The following CATSPERB variants were observed in gnomAD, a reference collection of about 807,000 sequenced individuals.
The protein encoded by CATSPERB is cation channel sperm-associated auxiliary subunit beta.
Under a neutral mutation model 128.3 loss-of-function variants are expected in CATSPERB, and 93 were observed. The ratio of observed to expected loss-of-function variants is 0.72; its 90% CI spans 0.61 to 0.86. The LOEUF (loss-of-function observed/expected upper bound fraction) is 0.86, where lower values mean the gene tolerates loss of function less well. Among genes scored for constraint, CATSPERB ranks in the 40% least tolerant of loss-of-function variants. CATSPERB has a pLI of 0.00. For synonymous variants in CATSPERB, 381 were observed against 448.8 expected (o/e 0.85, Z 1.91); for missense variants, 1,153 against 1,329.5 (o/e 0.87, Z 2.06).
At chr14:91,666,070 A>G (rs1158072767) in intron 14 of CATSPERB, among the ~76,000 whole-genome samples, 1 of 151,962 alleles carries the variant, frequency 6.6e-6, no homozygotes, top group South Asian at 2.1e-4. Context: ...TTGCCCCTTC[A>G]CTCTGCCACT....
At position 91,580,807 on chromosome 14, in the gene CATSPERB, G is replaced by A. The variant is rs1298927184; in HGVS notation, c.*82C>T. On this transcript the variant is annotated 3_prime_UTR_variant, in exon 27 of 27. Coordinates refer to ENST00000256343, the MANE Select transcript of CATSPERB (RefSeq NM_024764.4). ...AATTCTTTAGGATTTTATGTAGCTT[G>A]CATATTTAACATTTAAATATATTGT... The A allele has an allele frequency of 3.0e-6, 3 of 1,012,720 alleles. No individual in the cohort carries two copies. The highest frequency in any genetic ancestry group is 4.5e-6 in the Non-Finnish European group (3 of 673,348). The allele number at this position is 1,012,720 out of a possible 1,614,324, so 62.7% of individuals were successfully genotyped here.
chr14:91,710,826 T>C (rs1346192009), intron 5 of CATSPERB, among the ~76,000 whole-genome samples: 2 of 152,168 alleles, frequency 1.3e-5, no homozygotes, highest in East Asian at 3.9e-4. Context: ...ATTAAACTAG[T>C]AACTTGAATA....
intron 19 of CATSPERB, among the ~76,000 whole-genome samples, chr14:91,618,268 G>A (rs1050346526): frequency 1.1e-4 from 16 of 152,018 alleles, no homozygotes; most frequent in Admixed American, 3.9e-4. Flanking sequence ...CTTCTTTACT[G>A]CAACCAGTTT....
intron 11 of CATSPERB, among the ~76,000 whole-genome samples, chr14:91,677,956 C>A (rs1895217870): frequency 6.6e-6 from 1 of 152,116 alleles, no homozygotes; most frequent in South Asian, 2.1e-4. Context: ...CCATAATCCT[C>A]AGCAAACTAA....
chr14:91,591,571 C>G (rs938616339), intron 23 of CATSPERB, among the ~76,000 whole-genome samples: 5 of 151,180 alleles, frequency 3.3e-5, no homozygotes, highest in African/African-American at 1.2e-4. Flanking sequence ...TTTACCATAA[C>G]CTGGTATATG....
chr14:91,623,007 G>T (rs1248275092), intron 18 of CATSPERB, among the ~76,000 whole-genome samples: 2 of 149,538 alleles, frequency 1.3e-5, no homozygotes, highest in African/African-American at 4.9e-5. Context: ...CAATTCTCCT[G>T]CCTCAGCCTC....
rs180767839 is a variant in CATSPERB at position 91,583,429 on chromosome 14, A to T, written c.3133-2322T>A. ...GCGTGACTCCATCTCAAAAAAAAAAATTTTCACTTGCTTATTTAAGCCATT... is the reference window on the plus strand; with the variant it reads ...GCGTGACTCCATCTCAAAAAAAAAATTTTTCACTTGCTTATTTAAGCCATT... On this transcript the variant is annotated intron_variant, in intron 26 of 26. Transcript: ENST00000256343. Among the ~76,000 whole-genome samples, 99 of 151,960 alleles carry T rather than the reference A, an allele frequency of 6.5e-4. 1 individual carries two copies. In the East Asian group the frequency reaches 0.011, roughly 17 times the overall value.
intron 9 of CATSPERB, 47 bp from the exon 10 acceptor site, chr14:91,691,602 C>T: frequency 1.4e-6 from 2 of 1,415,210 alleles, no homozygotes; most frequent in Non-Finnish European, 2.0e-6. Context: ...TATCAGAAGG[C>T]CTAACAAAAC....
At position 91,634,348 on chromosome 14, in the gene CATSPERB, A is replaced by T. The variant is rs538699117; in HGVS notation, c.1742+2077T>A. ...ACTCAGGGGTGGCAGAGGCAGAAAAATTTCCATGTATAAGTGGACCTGCAC... is the reference window on the plus strand; with the variant it reads ...ACTCAGGGGTGGCAGAGGCAGAAAATTTTCCATGTATAAGTGGACCTGCAC... On this transcript the variant is annotated intron_variant, in intron 17 of 26. Coordinates refer to ENST00000256343, the MANE Select transcript of CATSPERB (RefSeq NM_024764.4). Among the ~76,000 whole-genome samples the T allele has an allele frequency of 4.6e-5, 7 of 152,262 alleles. 1 individual carries two copies. The South Asian group carries it at 6.2e-4, about 14-fold the overall frequency.
rs1049687101 is a variant in CATSPERB, at chr14:91,610,788, G to A, written c.2401-111C>T. ...CCAACCTCCAGTATCTCAAAATGTG[G>A]CTGTATTTGGAGATAGGGCCTTTAA... is the stretch of plus-strand genomic sequence containing the variant. On this transcript the variant is annotated intron_variant, in intron 20 of 26. Transcript: ENST00000256343. The A allele has an allele frequency of 9.8e-6, 10 of 1,022,086 alleles. No homozygotes were observed. In the African/African-American group the frequency reaches 1.5e-4, roughly 15 times the overall value. 63.3% of individuals were successfully genotyped at this position (1,022,086 alleles called of 1,614,324 possible).
intron 18 of CATSPERB, 118 bp downstream of exon 18, chr14:91,624,702 C>A (rs1015801060): frequency 2.2e-5 from 15 of 686,376 alleles, no homozygotes; most frequent in Admixed American, 3.8e-5. Flanking sequence ...TGGTAGGTTG[C>A]CAGTTGGACT....
At chr14:91,588,107 A>ACACTTATTT (rs1161880374) in intron 24 of CATSPERB, 29 bp from the exon 25 acceptor site, 5 of 1,413,784 alleles carry the variant, frequency 3.5e-6, no homozygotes, top group Non-Finnish European at 4.9e-6. Flanking sequence ...TATTTTAAGC[A>ACACTTATTT]CACTTATTTT....
chr14:91,693,891 A>G (rs1472833482), intron 7 of CATSPERB, among the ~76,000 whole-genome samples: 1 of 152,162 alleles, frequency 6.6e-6, no homozygotes, highest in African/African-American at 2.4e-5. Context: ...GCTTAAAAGC[A>G]AAGCATAAAT....
At chr14:91,638,170 C>A (rs1187781326) in intron 16 of CATSPERB, among the ~76,000 whole-genome samples, 1 of 152,140 alleles carries the variant, frequency 6.6e-6, no homozygotes, top group East Asian at 1.9e-4. Context: ...TAACCCCAGT[C>A]AAAAATGTTT....
At chr14:91,615,768 C>G (rs2139781910) in intron 20 of CATSPERB, among the ~76,000 whole-genome samples, 1 of 152,258 alleles carries the variant, frequency 6.6e-6, no homozygotes, top group African/African-American at 2.4e-5. Context: ...CACTGGTACA[C>G]AGACATCTTT....
In CATSPERB at chr14:91,707,459, T is replaced by A. The variant is rs1384657052; in HGVS notation, c.466+682A>T. Among the ~76,000 whole-genome samples, 5 of 151,888 alleles carry A rather than the reference T, an allele frequency of 3.3e-5. No individual in the cohort carries two copies. In the South Asian group the frequency reaches 8.3e-4, roughly 25 times the overall value. On this transcript the variant is annotated intron_variant, in intron 6 of 26. Transcript: ENST00000256343. Reference sequence around the variant, plus strand: ...TGAATAATTAGTAACATTTTTTTTTTAATTTGGAAGCTACCTAAAAAACTA... The same window carrying A: ...TGAATAATTAGTAACATTTTTTTTTAAATTTGGAAGCTACCTAAAAAACTA...
intron 22 of CATSPERB, among the ~76,000 whole-genome samples, chr14:91,595,872 TAGAGGG>T (rs1218121310): frequency 6.6e-6 from 1 of 152,172 alleles, no homozygotes; most frequent in East Asian, 1.9e-4. Context: ...AGAAATCAGG[TAGAGGG>T]AAACAAATAG....
At chr14:91,666,332 G>A (rs1894983080) in intron 14 of CATSPERB, among the ~76,000 whole-genome samples, 1 of 152,180 alleles carries the variant, frequency 6.6e-6, no homozygotes, top group Non-Finnish European at 1.5e-5. Context: ...CCTGGATAGA[G>A]CGAGATAGCC....
intron 5 of CATSPERB, among the ~76,000 whole-genome samples, chr14:91,713,137 A>G (rs1348867281): frequency 1.3e-5 from 2 of 152,216 alleles, no homozygotes; most frequent in African/African-American, 4.8e-5. Flanking sequence ...ATACCACTGT[A>G]GCATAAAAGC....
Sources: allele counts gnomAD v4.1 joint callset (sites outside exome capture counted in the v4.1 genomes callset), GRCh38; gene constraint gnomAD v4.1.1; transcripts MANE v1.5; gene names NCBI Gene and HGNC (gene_info 2026-07-23, HGNC 2026-07-21).